The following CPXM2 variants were observed in gnomAD, a reference collection of about 807,000 sequenced individuals.
CPXM2 encodes inactive carboxypeptidase-like protein X2.
A neutral mutation model predicts 86.1 loss-of-function variants in CPXM2; 66 were observed. That is an observed-to-expected ratio of 0.77 (90% CI 0.63 to 0.94). The LOEUF (loss-of-function observed/expected upper bound fraction) is 0.94, where lower values mean the gene tolerates loss of function less well. CPXM2 is among the 40% of genes least tolerant of loss of function. The pLI is 0.00. For missense variants in CPXM2, 948 were observed against 1,026.3 expected, an observed-to-expected ratio of 0.92 and a Z score of 1.04; for synonymous variants, 388 against 400.2, an observed-to-expected ratio of 0.97 and a Z score of 0.36.
chr10:123,933,174 A>G (rs1016254976), intron 2 of CPXM2, among the ~76,000 whole-genome samples: 1 of 152,310 alleles, frequency 6.6e-6, no homozygotes, highest in Middle Eastern at 3.4e-3. Context: ...GGCCATCGCA[A>G]GGAAGGGCAA....
intron 2 of CPXM2, among the ~76,000 whole-genome samples, chr10:123,869,173 G>A (rs1252710609): frequency 6.6e-6 from 1 of 152,172 alleles, no homozygotes; most frequent in East Asian, 1.9e-4. Context: ...ATAATGACTA[G>A]GTTTAAAGAG....
chr10:123,887,808 T>TG (rs1481663502), intron 1 of CPXM2, among the ~76,000 whole-genome samples: 1 of 152,158 alleles, frequency 6.6e-6, no homozygotes, highest in Admixed American at 6.5e-5. Flanking sequence ...AGGTTATCAC[T>TG]GGGGGGAGCT....
intron 3 of CPXM2, among the ~76,000 whole-genome samples, chr10:123,858,255 C>T (rs1452848978): frequency 6.6e-6 from 1 of 152,242 alleles, no homozygotes; most frequent in Non-Finnish European, 1.5e-5. Context: ...TTAAGCACTG[C>T]AGCCACTACA....
chr10:123,920,720 G>A (rs1945572916), intron 2 of CPXM2, among the ~76,000 whole-genome samples: 2 of 152,222 alleles, frequency 1.3e-5, no homozygotes, highest in Admixed American at 1.3e-4. Flanking sequence ...GTTGAGAGTT[G>A]AGACCTTTAA....
intron 4 of CPXM2, among the ~76,000 whole-genome samples, chr10:123,821,596 T>A (rs1000246884): frequency 2.0e-5 from 3 of 152,198 alleles, no homozygotes; most frequent in African/African-American, 7.2e-5. Flanking sequence ...GGTATACCAA[T>A]TGTATTTGAC....
intron 3 of CPXM2, among the ~76,000 whole-genome samples, chr10:123,849,530 T>C (rs978668944): frequency 2.0e-5 from 3 of 147,484 alleles, no homozygotes; most frequent in Non-Finnish European, 3.0e-5. Context: ...AACCTCTGCC[T>C]CCTGGATTCA....
chr10:123,854,388 ATATATATT>A lies in CPXM2; in HGVS notation c.513+8218_513+8225del, dbSNP rs1383124178. ...TATATATATATAATATATATATAAT[ATATATATT>A]ATATATATATTATATATAAAATATA... is the stretch of plus-strand genomic sequence containing the variant. On this transcript the variant is annotated intron_variant, in intron 3 of 13. Coordinates refer to ENST00000241305, the MANE Select transcript of CPXM2 (RefSeq NM_198148.3). 6.4e-4 allele frequency among the ~76,000 whole-genome samples: 76 copies of A among 119,334 alleles called. 1 individual carries two copies. The highest frequency in any genetic ancestry group is 2.3e-3 in the African/African-American group (70 of 29,810). The allele number at this position is 119,334 out of a possible 152,430, so 78.3% of individuals were successfully genotyped here.
At chr10:123,940,139 C>G (rs1210284082) in intron 1 of CPXM2, 1 of 152,314 alleles carries the variant, frequency 6.6e-6, no homozygotes, top group Non-Finnish European at 1.5e-5. Flanking sequence ...GCTGCCTGCA[C>G]CCAGCTCACC....
Position 123,885,254 on chromosome 10 carries a change from CGGAGGCTGGGAGGCTAGAAGGCTG to C in CPXM2, c.305-4969_305-4946del. Among the ~76,000 whole-genome samples the C allele has an allele frequency of 6.6e-6, 1 of 152,182 alleles. No individual in the cohort carries two copies. The highest frequency in any genetic ancestry group is 2.1e-4 in the South Asian group (1 of 4,818). ...GAGATGCCTCTGAGCTGCCCCACTC[CGGAGGCTGGGAGGCTAGAAGGCTG>C]GGAGGCTGGGAGGCTGGAAGGCTGG... On this transcript the variant is annotated intron_variant, in intron 1 of 13. Transcript: ENST00000241305. The surrounding 1 kb of genome is among the most constrained non-coding windows in gnomAD (Gnocchi z 4.0).
intron 1 of CPXM2, among the ~76,000 whole-genome samples, chr10:123,880,759 G>A (rs1454790115): frequency 1.4e-5 from 2 of 143,606 alleles, no homozygotes; most frequent in Non-Finnish European, 3.0e-5. Context: ...AACCTGGGAG[G>A]CAGAGCTTGC....
At chr10:123,772,535 G>T (rs550456401) in intron 7 of CPXM2, among the ~76,000 whole-genome samples, 1 of 151,942 alleles carries the variant, frequency 6.6e-6, no homozygotes, top group Non-Finnish European at 1.5e-5. Flanking sequence ...CCTGGTTGTG[G>T]TCATCACCTC....
At chr10:123,906,088 C>T (rs1945437071) in intron 2 of CPXM2, among the ~76,000 whole-genome samples, 3 of 152,194 alleles carry the variant, frequency 2.0e-5, no homozygotes, top group African/African-American at 7.2e-5. Flanking sequence ...CCAGGCATAG[C>T]CTTGCCAGCT....
chr10:123,909,979 G>T (rs2134269291), intron 2 of CPXM2, among the ~76,000 whole-genome samples: 1 of 152,300 alleles, frequency 6.6e-6, no homozygotes, highest in South Asian at 2.1e-4. Context: ...TCCCAGGACT[G>T]CCAGGGTCAC....
chr10:123,901,136 G>A (rs1016089989), intron 2 of CPXM2, among the ~76,000 whole-genome samples: 2 of 152,162 alleles, frequency 1.3e-5, no homozygotes, highest in Middle Eastern at 3.2e-3. Flanking sequence ...AAGAAAAATA[G>A]ATCACTAATT....
chr10:123,864,824 T>C (rs1156985592), intron 2 of CPXM2, among the ~76,000 whole-genome samples: 1 of 152,154 alleles, frequency 6.6e-6, no homozygotes, highest in Non-Finnish European at 1.5e-5. Flanking sequence ...AAAAAGGAAG[T>C]ACCTGACTAA....
At chr10:123,819,667 G>C (rs1284584204) in intron 4 of CPXM2, among the ~76,000 whole-genome samples, 1 of 152,160 alleles carries the variant, frequency 6.6e-6, no homozygotes, top group Non-Finnish European at 1.5e-5. Flanking sequence ...GGGGATTGGT[G>C]CATTTCCGGT....
intron 3 of CPXM2, among the ~76,000 whole-genome samples, chr10:123,854,751 T>C (rs1457573247): frequency 6.6e-6 from 1 of 151,900 alleles, no homozygotes; most frequent in African/African-American, 2.4e-5. Flanking sequence ...TGCCTCACTG[T>C]ACACAGGTAG....
At chr10:123,869,021 G>A (rs1944846248) in intron 2 of CPXM2, among the ~76,000 whole-genome samples, 1 of 152,198 alleles carries the variant, frequency 6.6e-6, no homozygotes, top group Non-Finnish European at 1.5e-5. Context: ...TACCAAGAAA[G>A]ACGGGAGTGT....
In CPXM2 at chr10:123,881,240, T is replaced by TCCCCCC. The variant is rs1564811104; in HGVS notation, c.305-932_305-931insGGGGGG. Among the ~76,000 whole-genome samples, 2 of 53,646 alleles carry TCCCCCC rather than the reference T, an allele frequency of 3.7e-5. 1 individual carries two copies. Among genetic ancestry groups the TCCCCCC allele is most frequent in the Non-Finnish European group, 7.7e-5 (2 of 25,972 alleles). The allele number at this position is 53,646 out of a possible 152,430, so 35.2% of individuals were successfully genotyped here. ...CTCCTGGAGCACCCTTCTCTTCCCT[T>TCCCCCC]CCCTTCCCTTCCCTTCCCTTCCCTT... On this transcript the variant is annotated intron_variant, in intron 1 of 13. Transcript: ENST00000241305.
Sources: allele counts gnomAD v4.1 joint callset (sites outside exome capture counted in the v4.1 genomes callset), GRCh38; gene constraint gnomAD v4.1.1; non-coding constraint Gnocchi (gnomAD v3.1); transcripts MANE v1.5; gene names NCBI Gene and HGNC (gene_info 2026-07-23, HGNC 2026-07-21).